PXDNL: variants seen among roughly 807,000 people sequenced by gnomAD.
PXDNL encodes probable oxidoreductase PXDNL.
A neutral mutation model predicts 150.8 loss-of-function variants in PXDNL; 145 were observed. That is an observed-to-expected ratio of 0.96 (90% CI 0.84 to 1.10). The LOEUF is 1.10. Ranked by LOEUF, PXDNL falls within the 50% of genes least tolerant of loss-of-function variation. PXDNL has a pLI of 0.00. For missense variants in PXDNL, 2,087 were observed against 1,873.9 expected (o/e 1.11, Z -2.10); for synonymous variants, 757 against 725.7 (o/e 1.04, Z -0.69).
intron 1 of PXDNL, among the ~76,000 whole-genome samples, chr8:51,712,901 G>GCACT (rs139533695): frequency 0.024 from 3,658 of 152,216 alleles, 148 homozygotes; most frequent in African/African-American, 0.083. Context: ...GAGTCTCAGA[G>GCACT]CACTCATTCT....
chr8:51,606,560 A>C (rs1462704749), intron 2 of PXDNL, among the ~76,000 whole-genome samples: 1 of 152,198 alleles, frequency 6.6e-6, no homozygotes, highest in Non-Finnish European at 1.5e-5. Context: ...AAGAAGTTCA[A>C]ACTAGCCTTT....
At chr8:51,701,199 G>T (rs1424063681) in intron 1 of PXDNL, among the ~76,000 whole-genome samples, 1 of 152,022 alleles carries the variant, frequency 6.6e-6, no homozygotes, top group Non-Finnish European at 1.5e-5. Flanking sequence ...TAGCAATTCA[G>T]TTGCTAGCAT....
chr8:51,536,036 T>C (rs747963053), intron 4 of PXDNL, among the ~76,000 whole-genome samples: 14 of 152,180 alleles, frequency 9.2e-5, no homozygotes, highest in Non-Finnish European at 1.9e-4. Flanking sequence ...AACCAGAGCA[T>C]GTGGACCCCT....
chr8:51,682,431 G>T (rs375839285), intron 1 of PXDNL, among the ~76,000 whole-genome samples: 4 of 152,152 alleles, frequency 2.6e-5, no homozygotes, highest in Admixed American at 6.5e-5. Flanking sequence ...CTCTTTGAAG[G>T]GGGTGAGGGG....
chr8:51,691,328 T>C (rs1815992381), intron 1 of PXDNL, among the ~76,000 whole-genome samples: 1 of 152,212 alleles, frequency 6.6e-6, no homozygotes, highest in Non-Finnish European at 1.5e-5. Context: ...CTTTAATCCA[T>C]CTTGAATTAA....
At position 51,547,089 on chromosome 8, in the gene PXDNL, T is replaced by C. The variant is rs117382941; in HGVS notation, c.380+9751A>G. On this transcript the variant is annotated intron_variant, in intron 4 of 22. Transcript: ENST00000356297. ...CCCTTATAGCCAAAGGCAAAAGACA[T>C]AAACTTTTGGGAGCTCTATGGCCCT... 4.3e-4 allele frequency among the ~76,000 whole-genome samples: 66 copies of C among 152,176 alleles called. No homozygotes were observed. In the East Asian group the frequency reaches 0.011, roughly 25 times the overall value.
At chr8:51,516,222 A>G (rs1252192173) in intron 4 of PXDNL, among the ~76,000 whole-genome samples, 2 of 152,238 alleles carry the variant, frequency 1.3e-5, no homozygotes, top group South Asian at 2.1e-4. Flanking sequence ...TCAAAGAAAC[A>G]TGTTATATTT....
chr8:51,650,018 A>T (rs1474565306), intron 2 of PXDNL, among the ~76,000 whole-genome samples: 2 of 148,580 alleles, frequency 1.3e-5, no homozygotes, highest in Non-Finnish European at 1.5e-5. Flanking sequence ...CAGGAGAATC[A>T]CTTAAACCCC....
intron 19 of PXDNL, among the ~76,000 whole-genome samples, chr8:51,346,608 G>A (rs1426261250): frequency 1.3e-5 from 2 of 152,192 alleles, no homozygotes; most frequent in African/African-American, 4.8e-5. Flanking sequence ...AGCCTGGTGG[G>A]AGGTATCTGG....
chr8:51,793,750 G>T (rs535024750), intron 1 of PXDNL, among the ~76,000 whole-genome samples: 18 of 151,938 alleles, frequency 1.2e-4, no homozygotes, highest in African/African-American at 4.4e-4. Flanking sequence ...TTAGTTGGGC[G>T]TGGTGACTGA....
chr8:51,596,573 T>C (rs1284118870), intron 2 of PXDNL, among the ~76,000 whole-genome samples: 3 of 152,180 alleles, frequency 2.0e-5, no homozygotes, highest in African/African-American at 4.8e-5. Flanking sequence ...TGCTGTTTTT[T>C]ACTTTTTAAT....
At chr8:51,784,735 A>G (rs1333148852) in intron 1 of PXDNL, among the ~76,000 whole-genome samples, 1 of 102,568 alleles carries the variant, frequency 9.7e-6, no homozygotes, top group African/African-American at 2.5e-5. Flanking sequence ...TCCTGCAGTT[A>G]GAAAAAAAAA....
chr8:51,731,137 C>T lies in PXDNL; in HGVS notation c.165-76377G>A, dbSNP rs148246818. On this transcript the variant is annotated intron_variant, in intron 1 of 22. Coordinates refer to ENST00000356297, the MANE Select transcript of PXDNL (RefSeq NM_144651.5). ...TACAAAAGTCCACAATCCAAAGTTT[C>T]ATCAAAGACAAGACAAGTCCCTTCC... Among the ~76,000 whole-genome samples the T allele has an allele frequency of 4.9e-3, 739 of 152,264 alleles. 7 individuals are homozygous for T. Among genetic ancestry groups the T allele is most frequent in the African/African-American group, 0.017 (708 of 41,538 alleles).
At chr8:51,397,588 G>A (rs1480668545) in intron 17 of PXDNL, among the ~76,000 whole-genome samples, 1 of 152,118 alleles carries the variant, frequency 6.6e-6, no homozygotes, top group African/African-American at 2.4e-5. Context: ...TAGTTGCAAT[G>A]TACTGTAAGT....
At chr8:51,742,122 C>A (rs773359365) in intron 1 of PXDNL, among the ~76,000 whole-genome samples, 1 of 152,170 alleles carries the variant, frequency 6.6e-6, no homozygotes, top group Non-Finnish European at 1.5e-5. Context: ...GGGAATGACA[C>A]TGAGTGAAAA....
At chr8:51,425,233 T>G (rs2129749527) in intron 13 of PXDNL, among the ~76,000 whole-genome samples, 1 of 152,324 alleles carries the variant, frequency 6.6e-6, no homozygotes, top group Admixed American at 6.5e-5. Flanking sequence ...CTATCGCTGG[T>G]AGCAAAGTAT....
intron 2 of PXDNL, among the ~76,000 whole-genome samples, chr8:51,601,124 C>A (rs1425179344): frequency 6.6e-6 from 1 of 150,592 alleles, no homozygotes; most frequent in Non-Finnish European, 1.5e-5. Flanking sequence ...TTTATTGATA[C>A]TTGCTTTATG....
At position 51,426,759 on chromosome 8, in the gene PXDNL, C is replaced by A; in HGVS notation, c.1526-1G>T. On this transcript the variant is annotated splice_acceptor_variant, in intron 12 of 22. Transcript: ENST00000356297. LOFTEE classifies it high-confidence loss of function. ...GGAAGTTGAGTAAACACTGCAAGAG[C>A]TGTGGAAACAAACCAAAATAACATC... 6.4e-7 allele frequency: 1 copy of A among 1,555,632 alleles called. No homozygotes were observed. The highest frequency in any genetic ancestry group is 8.8e-7 in the Non-Finnish European group (1 of 1,137,704).
chr8:51,464,418 A>G (rs1427389769), intron 8 of PXDNL, among the ~76,000 whole-genome samples: 2 of 20,984 alleles, frequency 9.5e-5, no homozygotes, highest in African/African-American at 2.5e-4. Flanking sequence ...CAAAAGATCA[A>G]TGAAACCAAA....
Sources: allele counts gnomAD v4.1 joint callset (sites outside exome capture counted in the v4.1 genomes callset), GRCh38; gene constraint gnomAD v4.1.1; transcripts MANE v1.5; gene names NCBI Gene and HGNC (gene_info 2026-07-23, HGNC 2026-07-21).